The following USP25 variants were observed in gnomAD, a reference collection of about 807,000 sequenced individuals.
USP25 encodes ubiquitin carboxyl-terminal hydrolase 25.
USP25 carries 85 observed loss-of-function variants against 158.5 expected under a neutral mutation model. The ratio of observed to expected loss-of-function variants is 0.54; its 90% confidence interval spans 0.45 to 0.64. The LOEUF (loss-of-function observed/expected upper bound fraction) is 0.64, where lower values mean the gene tolerates loss of function less well. USP25 is among the 30% of genes least tolerant of loss of function. The pLI is 0.00. For synonymous variants in USP25, 464 were observed against 460.4 expected, an observed-to-expected ratio of 1.01 and a Z score of -0.10; for missense variants, 1,242 against 1,327.3, an observed-to-expected ratio of 0.94 and a Z score of 1.00.
At chr21:15,872,226 A>G (rs2039925226) in intron 23 of USP25, among the ~76,000 whole-genome samples, 1 of 152,148 alleles carries the variant, frequency 6.6e-6, no homozygotes, top group Admixed American at 6.5e-5. Flanking sequence ...ATAATTTTAT[A>G]GAGTGTACCA....
At chr21:15,801,628 T>C (rs1371573895) in intron 6 of USP25, among the ~76,000 whole-genome samples, 3 of 151,520 alleles carry the variant, frequency 2.0e-5, no homozygotes, top group Non-Finnish European at 4.4e-5. Context: ...AGCAGGTTTT[T>C]AAAAAAGGCG....
Position 15,875,568 on chromosome 21 carries a change from A to G in USP25, c.3009+1042A>G, listed in dbSNP as rs904757876. On this transcript the variant is annotated intron_variant, in intron 24 of 25. Transcript: ENST00000400183. The surrounding 1 kb of genome is among the most constrained non-coding windows in gnomAD (Gnocchi z 4.7). The stretch of plus-strand genomic sequence containing the variant: ...GTTCTGGAATAAGTGCCATTATGAG[A>G]AATATGCACAATGATATGCCTGAAA... 6.6e-6 allele frequency among the ~76,000 whole-genome samples: 1 copy of G among 152,218 alleles called. No homozygotes were observed. Among genetic ancestry groups the G allele is most frequent in the Admixed American group, 6.5e-5 (1 of 15,284 alleles).
At chr21:15,774,398 A>G (rs1342379960) in intron 3 of USP25, among the ~76,000 whole-genome samples, 2 of 152,218 alleles carry the variant, frequency 1.3e-5, no homozygotes, top group Non-Finnish European at 2.9e-5. Flanking sequence ...AGTGGTAGAA[A>G]CAAGTTTTTC....
chr21:15,856,150 C>G (rs1437335463), intron 20 of USP25, among the ~76,000 whole-genome samples: 1 of 152,142 alleles, frequency 6.6e-6, no homozygotes, highest in Non-Finnish European at 1.5e-5. Context: ...CTTAATGAAC[C>G]TCATTTTCTG....
chr21:15,878,282 TTTAA>T lies in USP25; in HGVS notation c.3206-18_3206-15del. Reference sequence around the variant, plus strand: ...GTAATAATTTCTATCTTTAGTTAGATTTAATTGTTTGTATTTGCAGCACACCTCC... The same window carrying T: ...GTAATAATTTCTATCTTTAGTTAGATTTGTTTGTATTTGCAGCACACCTCC... On this transcript the variant is annotated splice_polypyrimidine_tract_variant and intron_variant, in intron 25 of 25. Coordinates refer to ENST00000400183, the MANE Select transcript of USP25 (RefSeq NM_001283041.3). 5.6e-6 allele frequency: 9 copies of T among 1,604,260 alleles called. No homozygotes were observed. The highest frequency in any genetic ancestry group is 7.7e-6 in the Non-Finnish European group (9 of 1,175,022).
At chr21:15,790,650 C>CTTT (rs77394054) in intron 4 of USP25, among the ~76,000 whole-genome samples, 1 of 126,550 alleles carries the variant, frequency 7.9e-6, no homozygotes, top group Non-Finnish European at 1.7e-5. Flanking sequence ...TAACAAGTTT[C>CTTT]TTTTTTTTTT....
intron 1 of USP25, among the ~76,000 whole-genome samples, chr21:15,750,259 T>C (rs561911229): frequency 6.9e-6 from 1 of 144,102 alleles, no homozygotes; most frequent in Non-Finnish European, 1.5e-5. Flanking sequence ...AGTCTCACTC[T>C]GTTGCCCAGG....
chr21:15,825,078 G>A lies in USP25; in HGVS notation c.1304+17G>A. The A allele has an allele frequency of 6.5e-7, 1 of 1,533,730 alleles. No homozygotes were observed. Among genetic ancestry groups the A allele is most frequent in the East Asian group, 2.3e-5 (1 of 43,738 alleles). On this transcript the variant is annotated intron_variant, in intron 12 of 25. Transcript: ENST00000400183. ...GCTAGAAAGGTATTTTAACTTTTAT[G>A]AAATTAGGAGATAATTATCAGAAAC... is the stretch of plus-strand genomic sequence containing the variant.
intron 4 of USP25, among the ~76,000 whole-genome samples, chr21:15,784,357 G>A (rs938173910): frequency 6.6e-6 from 1 of 152,220 alleles, no homozygotes; most frequent in African/African-American, 2.4e-5. Context: ...CGGATCATCT[G>A]AGGTCAGGAG....
chr21:15,813,474 A>G (rs1396467914), intron 9 of USP25, among the ~76,000 whole-genome samples: 1 of 152,166 alleles, frequency 6.6e-6, no homozygotes, highest in Non-Finnish European at 1.5e-5. Context: ...TACCTCTACT[A>G]TATTTTTACC....
chr21:15,869,307 C>A lies in USP25; in HGVS notation c.2806-761C>A, dbSNP rs1432145274. 2.7e-5 allele frequency among the ~76,000 whole-genome samples: 4 copies of A among 149,822 alleles called. No individual in the cohort carries two copies. In the East Asian group the frequency reaches 7.8e-4, roughly 29 times the overall value. ...ATATCGTTGGCTAATAACTATGTTT[C>A]TTATTTTTGTTTATAATGTTTATAT... On this transcript the variant is annotated intron_variant, in intron 22 of 25. Coordinates refer to ENST00000400183, the MANE Select transcript of USP25 (RefSeq NM_001283041.3).
In USP25 at chr21:15,799,749, T is replaced by G; in HGVS notation, c.556-8T>G. The G allele has an allele frequency of 6.4e-7, 1 of 1,570,630 alleles. No homozygotes were observed. The highest frequency in any genetic ancestry group is 8.7e-7 in the Non-Finnish European group (1 of 1,153,146). ...CTCAGGTTATGTTAAATTGTTGTTC[T>G]TTTTCAGTCATTATTTAATCTTTTG... is the stretch of plus-strand genomic sequence containing the variant. On this transcript the variant is annotated splice_region_variant and splice_polypyrimidine_tract_variant and intron_variant, in intron 5 of 25. Coordinates refer to ENST00000400183, the MANE Select transcript of USP25 (RefSeq NM_001283041.3).
chr21:15,868,016 T>TA (rs2039730824), intron 22 of USP25, among the ~76,000 whole-genome samples: 2 of 152,182 alleles, frequency 1.3e-5, no homozygotes, highest in South Asian at 4.1e-4. Flanking sequence ...TGAAAAATGT[T>TA]ACGGAAATGC....
chr21:15,732,544 A>G (rs1370570312), intron 1 of USP25, among the ~76,000 whole-genome samples: 6 of 152,196 alleles, frequency 3.9e-5, no homozygotes, highest in Admixed American at 6.5e-5. Flanking sequence ...TTACTCAGAC[A>G]CTTTATGGGT....
At chr21:15,763,223 T>C (rs1483311203) in intron 2 of USP25, among the ~76,000 whole-genome samples, 3 of 152,152 alleles carry the variant, frequency 2.0e-5, no homozygotes, top group Admixed American at 6.5e-5. Context: ...TTGTGCAAGA[T>C]AGTGGGATGT....
rs1013976532 is a variant in USP25 at position 15,826,392 on chromosome 21, C to T, written c.1466+27C>T. On this transcript the variant is annotated intron_variant, in intron 13 of 25. Transcript: ENST00000400183. This position sits in a 1 kb window ranked among gnomAD's most constrained non-coding sequence, Gnocchi z 4.8. ...TAAAAAGTAATCCTGATGCAAGAGA[C>T]AGTTGTTACCTTTATTACACAATAA... 6.2e-7 allele frequency: 1 copy of T among 1,610,854 alleles called. No individual in the cohort carries two copies. Among genetic ancestry groups the T allele is most frequent in the South Asian group, 1.1e-5 (1 of 90,682 alleles).
Position 15,730,385 on chromosome 21 carries a change from G to GCCGCCT in USP25, c.-8_-7insCGCCTC. ...CACCGCCGCCGCCGCCGCCGCCGCC[G>GCCGCCT]CGGGGGCCATGACCGTGGAGCAGAA... On this transcript the variant is annotated 5_prime_UTR_variant, in exon 1 of 26. Transcript: ENST00000400183. The GCCGCCT allele has an allele frequency of 8.0e-7, 1 of 1,247,316 alleles. No individual in the cohort carries two copies. The highest frequency in any genetic ancestry group is 1.0e-6 in the Non-Finnish European group (1 of 992,218). 77.3% of individuals were successfully genotyped at this position (1,247,316 alleles called of 1,614,324 possible). A position where few individuals can be genotyped will look rare whatever the true frequency, so the allele number is the denominator to read the frequency against.
chr21:15,818,319 A>G (rs984288097), intron 9 of USP25, among the ~76,000 whole-genome samples: 14 of 152,178 alleles, frequency 9.2e-5, no homozygotes, highest in African/African-American at 3.1e-4. Context: ...ATATATGTGA[A>G]GTTAATGGGT....
intron 6 of USP25, among the ~76,000 whole-genome samples, chr21:15,800,416 AATT>A (rs1036893019): frequency 7.9e-5 from 12 of 151,260 alleles, no homozygotes. Context: ...TAATAATAGT[AATT>A]ATTTCATAGA....
Sources: allele counts gnomAD v4.1 joint callset (sites outside exome capture counted in the v4.1 genomes callset), GRCh38; gene constraint gnomAD v4.1.1; non-coding constraint Gnocchi (gnomAD v3.1); transcripts MANE v1.5; gene names NCBI Gene and HGNC (gene_info 2026-07-23, HGNC 2026-07-21).